GRM1: variants seen among roughly 807,000 people sequenced by gnomAD.
GRM1 encodes the protein metabotropic glutamate receptor 1.
A neutral mutation model predicts 90.9 loss-of-function variants in GRM1; 33 were observed. The observed-to-expected ratio is 0.36, with a 90% CI of 0.28 to 0.49. The LOEUF (loss-of-function observed/expected upper bound fraction) is 0.49, where lower values mean the gene tolerates loss of function less well. Among genes scored for constraint, GRM1 ranks in the 20% least tolerant of loss-of-function variants. The pLI, the probability that GRM1 is intolerant of heterozygous loss-of-function variation, is 0.99. For missense variants in GRM1, 1,190 were observed against 1,534.3 expected (o/e 0.78, Z 3.75); for synonymous variants, 700 against 613.2 (o/e 1.14, Z -2.09).
At chr6:146,162,103 G>T (rs1777749525) in intron 2 of GRM1, among the ~76,000 whole-genome samples, 2 of 152,178 alleles carry the variant, frequency 1.3e-5, no homozygotes, top group South Asian at 4.1e-4. Context: ...TAGTAATGCT[G>T]TCAAATATAT....
intron 2 of GRM1, among the ~76,000 whole-genome samples, chr6:146,188,325 C>A (rs1778811139): frequency 6.6e-6 from 1 of 151,840 alleles, no homozygotes; most frequent in Non-Finnish European, 1.5e-5. Context: ...ATTTTAATGC[C>A]CTATTTTTTG....
chr6:146,422,755 T>C (rs1778043050), intron 7 of GRM1, among the ~76,000 whole-genome samples: 1 of 152,194 alleles, frequency 6.6e-6, no homozygotes, highest in South Asian at 2.1e-4. Flanking sequence ...AAATAAAATA[T>C]TAAAGCAAAG....
At chr6:146,215,061 T>G (rs1779822938) in intron 2 of GRM1, among the ~76,000 whole-genome samples, 1 of 152,236 alleles carries the variant, frequency 6.6e-6, no homozygotes, top group Non-Finnish European at 1.5e-5. Context: ...GTGCCTCATT[T>G]GACTTTTCCA....
At chr6:146,108,210 A>T (rs539900898) in intron 1 of GRM1, among the ~76,000 whole-genome samples, 15 of 152,266 alleles carry the variant, frequency 9.9e-5, no homozygotes, top group African/African-American at 3.4e-4. Flanking sequence ...AGGATTCAGA[A>T]CACAGTGTTC....
At chr6:146,363,690 G>A (rs362909) in intron 5 of GRM1, among the ~76,000 whole-genome samples, 29,908 of 152,064 alleles carry the variant, frequency 0.2, 3,880 homozygotes, top group African/African-American at 0.37. Flanking sequence ...CATAAAATAG[G>A]TGTGTTCTCA....
At chr6:146,137,124 A>T (rs1198180688) in intron 1 of GRM1, among the ~76,000 whole-genome samples, 1 of 152,100 alleles carries the variant, frequency 6.6e-6, no homozygotes, top group East Asian at 1.9e-4. Context: ...AAGTGCTGAG[A>T]TTACAGGCGT....
At chr6:146,142,336 A>G (rs113769113) in intron 1 of GRM1, among the ~76,000 whole-genome samples, 8,143 of 152,252 alleles carry the variant, frequency 0.053, 716 homozygotes, top group African/African-American at 0.18. Flanking sequence ...TACCACTGCA[A>G]CTATGCTGGG....
At chr6:146,112,806 C>A (rs1489423695) in intron 1 of GRM1, among the ~76,000 whole-genome samples, 1 of 152,034 alleles carries the variant, frequency 6.6e-6, no homozygotes, top group Non-Finnish European at 1.5e-5. Context: ...AATTGGTGGC[C>A]CTTTTTGTTG....
At chr6:146,304,101 T>C (rs1008903893) in intron 2 of GRM1, among the ~76,000 whole-genome samples, 1 of 152,188 alleles carries the variant, frequency 6.6e-6, no homozygotes, top group African/African-American at 2.4e-5. Flanking sequence ...CAGATTTGAA[T>C]GATGTCCCAG....
In GRM1 at chr6:146,399,925, C is replaced by A. The variant is rs1777097275; in HGVS notation, c.2660+226C>A. Among the ~76,000 whole-genome samples the A allele has an allele frequency of 6.6e-6, 1 of 152,206 alleles. No individual in the cohort carries two copies. Among genetic ancestry groups the A allele is most frequent in the African/African-American group, 2.4e-5 (1 of 41,466 alleles). On this transcript the variant is annotated intron_variant, in intron 7 of 7. Coordinates refer to ENST00000282753, the MANE Select transcript of GRM1 (RefSeq NM_001278064.2). This position sits in a 1 kb window ranked among gnomAD's most constrained non-coding sequence, Gnocchi z 5.4. ...CAGAACTGAGGCTCCTCCCTGTTTT[C>A]ATTTCTTTGAAAGAAAAGGAGCAGG...
chr6:146,160,742 G>T (rs1382831092), intron 2 of GRM1, among the ~76,000 whole-genome samples: 1 of 152,056 alleles, frequency 6.6e-6, no homozygotes, highest in East Asian at 1.9e-4. Flanking sequence ...GAAATTAGAG[G>T]TATAAGACAC....
intron 1 of GRM1, among the ~76,000 whole-genome samples, chr6:146,123,744 G>A (rs561249024): frequency 1.3e-5 from 2 of 152,156 alleles, no homozygotes; most frequent in Admixed American, 1.3e-4. Context: ...AGCTCTATTC[G>A]ATTTTTACCA....
chr6:146,114,609 A>G (rs1775674649), intron 1 of GRM1, among the ~76,000 whole-genome samples: 1 of 152,278 alleles, frequency 6.6e-6, no homozygotes, highest in Non-Finnish European at 1.5e-5. Flanking sequence ...TATCATAAAC[A>G]TGGTAAAACT....
At chr6:146,048,853 A>G (rs529466832) in intron 1 of GRM1, among the ~76,000 whole-genome samples, 3 of 152,102 alleles carry the variant, frequency 2.0e-5, no homozygotes, top group South Asian at 4.1e-4. Flanking sequence ...TCTCCCTCAC[A>G]TTTGTCAGAA....
chr6:146,059,235 T>A (rs769048966), intron 1 of GRM1, among the ~76,000 whole-genome samples: 66 of 152,150 alleles, frequency 4.3e-4, no homozygotes, highest in Non-Finnish European at 7.6e-4. Flanking sequence ...TACTCTTTGA[T>A]CCATGGGCTG....
rs1370317158 is a variant in GRM1, at chr6:146,435,116, A to G, written c.*320A>G. ...CAAATCAAATAGTGACATCACAAAC[A>G]TAATGTCCTCTTTTGCACAATTGTG... On this transcript the variant is annotated 3_prime_UTR_variant, in exon 8 of 8. Transcript: ENST00000282753. The G allele has an allele frequency of 2.5e-5, 12 of 472,808 alleles. No homozygotes were observed. Among genetic ancestry groups the G allele is most frequent in the Non-Finnish European group, 4.3e-5 (11 of 256,920 alleles). The allele number at this position is 472,808 out of a possible 1,614,324, so 29.3% of individuals were successfully genotyped here. A position where few individuals can be genotyped will look rare whatever the true frequency, so the allele number is the denominator to read the frequency against.
chr6:146,376,623 G>A (rs1776109325), intron 5 of GRM1, among the ~76,000 whole-genome samples: 2 of 151,990 alleles, frequency 1.3e-5, no homozygotes, highest in South Asian at 2.1e-4. Flanking sequence ...GGCCTGTAAA[G>A]TTTCCACTGA....
At chr6:146,138,410 T>C (rs920524925) in intron 1 of GRM1, among the ~76,000 whole-genome samples, 1 of 151,924 alleles carries the variant, frequency 6.6e-6, no homozygotes, top group African/African-American at 2.4e-5. Context: ...TCAAGTGAAG[T>C]GTTCCCTCCT....
intron 5 of GRM1, among the ~76,000 whole-genome samples, chr6:146,364,107 G>A (rs1218868138): frequency 6.6e-6 from 1 of 152,180 alleles, no homozygotes; most frequent in Non-Finnish European, 1.5e-5. Flanking sequence ...CTGGGTTGAC[G>A]ATTTTATACT....
Sources: gnomAD v4.1 joint callset for allele counts (sites outside exome capture counted in the v4.1 genomes callset) on GRCh38, gnomAD v4.1.1 for gene constraint, Gnocchi (gnomAD v3.1) non-coding constraint, MANE v1.5 for transcripts, NCBI Gene and HGNC (gene_info 2026-07-23, HGNC 2026-07-21) for gene names.